OPHN1: variants seen among roughly 807,000 people sequenced by gnomAD.
The protein encoded by OPHN1 is oligophrenin 1.
In OPHN1, 11 loss-of-function variants were observed where a neutral mutation model predicts 60.7. The ratio of observed to expected loss-of-function variants is 0.18; its 90% CI spans 0.11 to 0.30. The LOEUF is 0.30. Ranked by LOEUF, OPHN1 falls within the 10% of genes least tolerant of loss-of-function variation. The pLI is 1.00. For synonymous variants in OPHN1, 226 were observed against 222.6 expected, an observed-to-expected ratio of 1.02 and a Z score of -0.14; for missense variants, 449 against 611.0, an observed-to-expected ratio of 0.73 and a Z score of 2.80.
intron 2 of OPHN1, among the ~76,000 whole-genome samples, chrX:68,377,812 C>T (rs1457642593): frequency 1.3e-4 from 14 of 111,656 alleles, no homozygotes; most frequent in African/African-American, 3.9e-4. Context: ...TGCCACATTT[C>T]CTTAATCCAG....
intron 15 of OPHN1, among the ~76,000 whole-genome samples, chrX:68,164,298 T>C (rs1314874625): frequency 8.9e-6 from 1 of 112,336 alleles, no homozygotes; most frequent in Admixed American, 9.5e-5. Context: ...GAGGAATCAC[T>C]GTTTATGGCA....
At chrX:68,053,285 T>C (rs1217035637) in intron 22 of OPHN1, among the ~76,000 whole-genome samples, 3 of 112,636 alleles carry the variant, frequency 2.7e-5, no homozygotes, top group Non-Finnish European at 5.6e-5. Flanking sequence ...AATGAATCTG[T>C]TCATTAAATT....
chrX:68,367,095 C>T (rs756480910), intron 2 of OPHN1, among the ~76,000 whole-genome samples: 54 of 110,889 alleles, frequency 4.9e-4, no homozygotes, highest in African/African-American at 1.8e-3. Flanking sequence ...GATGGTGGCT[C>T]ACGCCTGTAA....
At chrX:68,079,869 C>A (rs1235179483) in intron 19 of OPHN1, among the ~76,000 whole-genome samples, 1 of 112,003 alleles carries the variant, frequency 8.9e-6, no homozygotes, top group Non-Finnish European at 1.9e-5. Context: ...TCTCTCACAT[C>A]CCACATCCAT....
chrX:68,390,545 G>T (rs981414849), intron 2 of OPHN1, among the ~76,000 whole-genome samples: 5 of 111,839 alleles, frequency 4.5e-5, no homozygotes, highest in Non-Finnish European at 9.4e-5. Flanking sequence ...GCTGCAGTCA[G>T]CAGAAATTGC....
At chrX:68,308,661 A>C (rs1348366734) in intron 2 of OPHN1, among the ~76,000 whole-genome samples, 1 of 112,274 alleles carries the variant, frequency 8.9e-6, no homozygotes, top group Non-Finnish European at 1.9e-5. Context: ...AAATGTAGTT[A>C]TTTTTATTTT....
intron 2 of OPHN1, among the ~76,000 whole-genome samples, chrX:68,373,065 C>A (rs951646138): frequency 8.9e-6 from 1 of 111,863 alleles, no homozygotes; most frequent in Non-Finnish European, 1.9e-5. Context: ...GGCTCCCAGA[C>A]CAAGACCTAC....
intron 2 of OPHN1, among the ~76,000 whole-genome samples, chrX:68,360,239 C>T (rs2078465115): frequency 9.0e-6 from 1 of 110,817 alleles, no homozygotes; most frequent in Non-Finnish European, 1.9e-5. Flanking sequence ...AGTGTAGTGT[C>T]ACGATCATAG....
intron 5 of OPHN1, among the ~76,000 whole-genome samples, chrX:68,239,317 G>A (rs1201997291): frequency 3.6e-5 from 4 of 110,647 alleles, no homozygotes; most frequent in Non-Finnish European, 7.6e-5. Flanking sequence ...TCTTCCGCCT[G>A]TGTGTTCCTC....
intron 15 of OPHN1, among the ~76,000 whole-genome samples, chrX:68,126,957 T>C (rs1175825435): frequency 8.9e-6 from 1 of 112,079 alleles, no homozygotes; most frequent in Non-Finnish European, 1.9e-5. Flanking sequence ...GGAATTTTTA[T>C]GCAAGAACTC....
intron 5 of OPHN1, among the ~76,000 whole-genome samples, chrX:68,248,316 T>C (rs2077817195): frequency 2.8e-5 from 3 of 108,672 alleles, no homozygotes. Flanking sequence ...AAAAAAGACA[T>C]ACAAATGGCA....
At chrX:68,384,175 CATTTAT>C (rs2078612554) in intron 2 of OPHN1, among the ~76,000 whole-genome samples, 1 of 111,944 alleles carries the variant, frequency 8.9e-6, no homozygotes, top group East Asian at 2.8e-4. Flanking sequence ...CACCCCATTC[CATTTAT>C]ATTATTTCAA....
intron 2 of OPHN1, among the ~76,000 whole-genome samples, chrX:68,387,200 T>C (rs376499952): frequency 1.0e-5 from 1 of 100,119 alleles, no homozygotes; most frequent in Non-Finnish European, 2.0e-5. Context: ...TTCTTTCTGT[T>C]TCTCTCTCTC....
intron 5 of OPHN1, among the ~76,000 whole-genome samples, chrX:68,258,201 C>T (rs1276507782): frequency 1.8e-5 from 2 of 110,149 alleles, no homozygotes; most frequent in Non-Finnish European, 3.8e-5. Context: ...GATAATATTC[C>T]CTTTCCACCC....
upstream of OPHN1, chrX:68,433,688 A>AGCCG (rs1173546074): frequency 6.8e-6 from 2 of 295,299 alleles, no homozygotes; most frequent in Non-Finnish European, 1.2e-5. Flanking sequence ...GGTGCAAGGG[A>AGCCG]GCCGGCCGGC....
intron 5 of OPHN1, among the ~76,000 whole-genome samples, chrX:68,255,017 GAAA>G (rs748466618): frequency 3.0e-5 from 1 of 32,926 alleles, no homozygotes. Flanking sequence ...TCTGCCTCAA[GAAA>G]AAAAAAAAAA....
intron 15 of OPHN1, among the ~76,000 whole-genome samples, chrX:68,126,420 G>A (rs1200866577): frequency 2.7e-5 from 3 of 110,789 alleles, no homozygotes; most frequent in East Asian, 2.8e-4. Context: ...CTCAGAGAAT[G>A]GCAATTCCAG....
chrX:68,424,358 C>T (rs1385915268), intron 2 of OPHN1, among the ~76,000 whole-genome samples: 3 of 111,216 alleles, frequency 2.7e-5, no homozygotes, highest in African/African-American at 9.8e-5. Context: ...GTACCTGACA[C>T]ATAGTAGGTG....
intron 6 of OPHN1, among the ~76,000 whole-genome samples, chrX:68,228,141 A>G (rs1378117098): frequency 8.9e-6 from 1 of 111,937 alleles, no homozygotes; most frequent in Admixed American, 9.5e-5. Context: ...CTCTACACAA[A>G]TAAACTAGAA....
Sources: gnomAD v4.1 joint callset for allele counts (sites outside exome capture counted in the v4.1 genomes callset) on GRCh38, gnomAD v4.1.1 for gene constraint, MANE v1.5 for transcripts, NCBI Gene and HGNC (gene_info 2026-07-23, HGNC 2026-07-21) for gene names.